The following TAFA1 variants were observed in gnomAD, a reference collection of about 807,000 sequenced individuals.
TAFA1 encodes the protein chemokine-like protein TAFA-1.
TAFA1 carries 4 observed loss-of-function variants against 18.5 expected under a neutral mutation model. The ratio of observed to expected loss-of-function variants is 0.22; its 90% CI spans 0.11 to 0.49. TAFA1 has a LOEUF of 0.49. Ranked by LOEUF, TAFA1 falls within the 20% of genes least tolerant of loss-of-function variation. The pLI, the probability that TAFA1 is intolerant of heterozygous loss-of-function variation, is 0.98. For missense variants in TAFA1, 147 were observed against 169.0 expected, an observed-to-expected ratio of 0.87 and a Z score of 0.72; for synonymous variants, 56 against 55.2, an observed-to-expected ratio of 1.01 and a Z score of -0.06.
chr3:68,373,212 C>A (rs1211255986), intron 2 of TAFA1, among the ~76,000 whole-genome samples: 9 of 152,114 alleles, frequency 5.9e-5, no homozygotes, highest in African/African-American at 2.2e-4. Flanking sequence ...TTTGATTTGG[C>A]CTAATAATGG....
intron 2 of TAFA1, among the ~76,000 whole-genome samples, chr3:68,230,258 C>A (rs2066855695): frequency 6.6e-6 from 1 of 151,362 alleles, no homozygotes; most frequent in South Asian, 2.1e-4. Context: ...TCTCTTTATC[C>A]CCCCCTGCAA....
intron 2 of TAFA1, among the ~76,000 whole-genome samples, chr3:68,225,928 A>G (rs1454232599): frequency 6.6e-6 from 1 of 152,142 alleles, no homozygotes; most frequent in Non-Finnish European, 1.5e-5. Context: ...AAAACCATCA[A>G]TATGGAGAGA....
chr3:68,341,441 T>C (rs757780861), intron 2 of TAFA1, among the ~76,000 whole-genome samples: 3 of 152,114 alleles, frequency 2.0e-5, no homozygotes, highest in African/African-American at 4.8e-5. Flanking sequence ...TTTACAATAG[T>C]GATGTTATTC....
chr3:68,068,496 C>T (rs1286352692), intron 2 of TAFA1, among the ~76,000 whole-genome samples: 1 of 152,164 alleles, frequency 6.6e-6, no homozygotes, highest in Non-Finnish European at 1.5e-5. Context: ...TTTAATCACC[C>T]TAATTCCTGT....
intron 2 of TAFA1, among the ~76,000 whole-genome samples, chr3:68,067,946 A>C (rs552220158): frequency 2.1e-4 from 32 of 152,232 alleles, no homozygotes; most frequent in African/African-American, 7.5e-4. Context: ...TTACAAAAAA[A>C]CAAAAAACAA....
At chr3:68,437,830 C>T (rs991865626) in intron 3 of TAFA1, among the ~76,000 whole-genome samples, 7 of 152,096 alleles carry the variant, frequency 4.6e-5, no homozygotes, top group Admixed American at 2.0e-4. Flanking sequence ...ATATCCTTCT[C>T]GCATACAAAT....
intron 3 of TAFA1, among the ~76,000 whole-genome samples, chr3:68,463,038 T>G (rs879350811): frequency 1.3e-5 from 2 of 152,200 alleles, no homozygotes; most frequent in Admixed American, 1.3e-4. Context: ...TAGGCAAATG[T>G]TGTCACTCTC....
At chr3:67,994,523 C>G in the TAFA1 span, among the ~76,000 whole-genome samples, 1 of 152,232 alleles carries the variant, frequency 6.6e-6, no homozygotes, top group Non-Finnish European at 1.5e-5. Flanking sequence ...GAAAGCCCAA[C>G]TGAAGCTGTC....
chr3:68,412,137 G>A (rs2070730667), intron 2 of TAFA1, among the ~76,000 whole-genome samples: 1 of 152,074 alleles, frequency 6.6e-6, no homozygotes, highest in Non-Finnish European at 1.5e-5. Flanking sequence ...TATGGCCTGG[G>A]GTCATTGACT....
At chr3:68,000,865 G>A (rs898895496), upstream of TAFA1, among the ~76,000 whole-genome samples, 15 of 152,172 alleles carry the variant, frequency 9.9e-5, no homozygotes, top group African/African-American at 3.6e-4. Flanking sequence ...AGAAGTTTAT[G>A]GGGAGGGACA....
intron 2 of TAFA1, among the ~76,000 whole-genome samples, chr3:68,267,715 C>G (rs1342017129): frequency 6.6e-6 from 1 of 151,656 alleles, no homozygotes; most frequent in Non-Finnish European, 1.5e-5. Context: ...AGATATAAGC[C>G]TTATATGGAT....
At chr3:68,010,174 G>T (rs2106775470) in intron 2 of TAFA1, among the ~76,000 whole-genome samples, 1 of 152,288 alleles carries the variant, frequency 6.6e-6, no homozygotes. Flanking sequence ...GAGAGTGAAA[G>T]CTTTACAGCT....
At chr3:68,088,736 T>C (rs1288214185) in intron 2 of TAFA1, among the ~76,000 whole-genome samples, 2 of 152,188 alleles carry the variant, frequency 1.3e-5, no homozygotes, top group East Asian at 3.8e-4. Context: ...TGATTTGATA[T>C]ATAAAATTCT....
At chr3:68,338,152 C>G (rs1048650165) in intron 2 of TAFA1, among the ~76,000 whole-genome samples, 1 of 152,338 alleles carries the variant, frequency 6.6e-6, no homozygotes, top group Middle Eastern at 3.4e-3. Flanking sequence ...GTTAACAACA[C>G]TTGGATGAGG....
chr3:68,541,509 A>C (rs1449671041), intron 4 of TAFA1, among the ~76,000 whole-genome samples: 10 of 152,192 alleles, frequency 6.6e-5, no homozygotes, highest in Admixed American at 6.6e-4. Context: ...ATTTAACTTT[A>C]AGAATGGTTT....
intron 2 of TAFA1, among the ~76,000 whole-genome samples, chr3:68,076,121 C>T (rs139286815): frequency 0.012 from 1,877 of 152,244 alleles, 46 homozygotes; most frequent in African/African-American, 0.043. Context: ...GTTATTTAAG[C>T]ATTCTTGGTG....
chr3:68,461,377 A>ATATATATATATATATATATATATGTATG (rs1337466211), intron 3 of TAFA1, among the ~76,000 whole-genome samples: 1 of 142,006 alleles, frequency 7.0e-6, no homozygotes, highest in African/African-American at 2.8e-5. Context: ...ATATATATAT[A>ATATATATATATATATATATATATGTATG]TATGTATGTA....
chr3:68,065,168 C>T (rs988728149), intron 2 of TAFA1, among the ~76,000 whole-genome samples: 23 of 152,102 alleles, frequency 1.5e-4, no homozygotes, highest in African/African-American at 5.3e-4. Flanking sequence ...AGACAGAGAG[C>T]GACTAACTAT....
chr3:68,142,784 C>T (rs2065684001), intron 2 of TAFA1, among the ~76,000 whole-genome samples: 1 of 152,190 alleles, frequency 6.6e-6, no homozygotes, highest in Admixed American at 6.5e-5. Flanking sequence ...CTCTCAGAGG[C>T]AGCTCATTTC....
Sources: allele counts gnomAD v4.1 joint callset (sites outside exome capture counted in the v4.1 genomes callset), GRCh38; gene constraint gnomAD v4.1.1; transcripts MANE v1.5; gene names NCBI Gene and HGNC (gene_info 2026-07-23, HGNC 2026-07-21).